Variants in AGBL4 observed in about 807,000 individuals in gnomAD.
AGBL4 encodes the protein cytosolic carboxypeptidase 6.
AGBL4 carries 58 observed loss-of-function variants against 66.4 expected under a neutral mutation model. The ratio of observed to expected loss-of-function variants is 0.87; its 90% CI spans 0.71 to 1.09. AGBL4 has a LOEUF of 1.09. Ranked by LOEUF, AGBL4 falls within the 50% of genes least tolerant of loss-of-function variation. AGBL4 has a pLI of 0.00. For synonymous variants in AGBL4, 234 were observed against 222.9 expected (o/e 1.05, Z -0.44); for missense variants, 579 against 631.0 (o/e 0.92, Z 0.88).
At chr1:48,636,524 C>T (rs897260970) in intron 8 of AGBL4, among the ~76,000 whole-genome samples, 1 of 152,216 alleles carries the variant, frequency 6.6e-6, no homozygotes. Context: ...GAGCTCAGGT[C>T]AACCTGATTC....
intron 1 of AGBL4, among the ~76,000 whole-genome samples, chr1:49,919,186 G>A (rs181073174): frequency 4.9e-4 from 74 of 152,230 alleles, no homozygotes; most frequent in African/African-American, 1.7e-3. Context: ...AGACAGGGAC[G>A]ACCTCTCTCA....
intron 3 of AGBL4, among the ~76,000 whole-genome samples, chr1:49,404,859 T>C (rs746477202): frequency 6.6e-6 from 1 of 152,242 alleles, no homozygotes; most frequent in African/African-American, 2.4e-5. Context: ...ACTGCTTATT[T>C]TTTTGAGCAA....
intron 3 of AGBL4, among the ~76,000 whole-genome samples, chr1:49,440,786 C>T (rs1379363759): frequency 6.6e-6 from 1 of 152,126 alleles, no homozygotes; most frequent in Non-Finnish European, 1.5e-5. Context: ...CAGGTATCTA[C>T]TGTTAAAGTG....
chr1:49,901,893 C>G (rs1468829184), intron 1 of AGBL4, among the ~76,000 whole-genome samples: 2 of 152,154 alleles, frequency 1.3e-5, no homozygotes, highest in Admixed American at 1.3e-4. Flanking sequence ...CTCATACTTA[C>G]AGCCATCTGA....
chr1:49,880,233 C>T (rs1209269312), intron 1 of AGBL4, among the ~76,000 whole-genome samples: 67 of 151,940 alleles, frequency 4.4e-4, no homozygotes, highest in Admixed American at 5.9e-4. Context: ...GGAGGAGAGG[C>T]GCTCTGCGTT....
At chr1:49,138,445 C>T (rs1646055436) in intron 4 of AGBL4, among the ~76,000 whole-genome samples, 1 of 152,154 alleles carries the variant, frequency 6.6e-6, no homozygotes, top group Admixed American at 6.6e-5. Context: ...ACTGAGTAAT[C>T]CACATTTACT....
chr1:49,678,676 CTG>C (rs140034468), intron 3 of AGBL4, among the ~76,000 whole-genome samples: 7,451 of 152,176 alleles, frequency 0.049, 558 homozygotes, highest in African/African-American at 0.16. Context: ...ATTCACTTCA[CTG>C]TGTTTTTTAA....
At chr1:49,013,348 C>A (rs1662589853) in intron 5 of AGBL4, among the ~76,000 whole-genome samples, 1 of 152,094 alleles carries the variant, frequency 6.6e-6, no homozygotes, top group African/African-American at 2.4e-5. Flanking sequence ...GAACACTAAG[C>A]AACACTAAGC....
intron 4 of AGBL4, among the ~76,000 whole-genome samples, chr1:49,106,879 G>C (rs988002154): frequency 1.3e-5 from 2 of 151,998 alleles, no homozygotes; most frequent in Admixed American, 6.6e-5. Flanking sequence ...AGCAAAAGTG[G>C]GGTAGAAAAT....
At chr1:49,771,392 A>G (rs1021715870) in intron 2 of AGBL4, among the ~76,000 whole-genome samples, 5 of 152,212 alleles carry the variant, frequency 3.3e-5, no homozygotes, top group African/African-American at 4.8e-5. Flanking sequence ...CTTAAATTTC[A>G]TTAGACTTGT....
intron 4 of AGBL4, among the ~76,000 whole-genome samples, chr1:49,096,662 G>A (rs774356949): frequency 5.7e-4 from 75 of 131,640 alleles, no homozygotes; most frequent in Admixed American, 6.1e-4. Flanking sequence ...ACACAGGAAG[G>A]GGAACATCAC....
intron 6 of AGBL4, among the ~76,000 whole-genome samples, chr1:48,691,584 A>G (rs144650720): frequency 2.6e-5 from 4 of 152,266 alleles, no homozygotes; most frequent in Admixed American, 6.5e-5. Flanking sequence ...TGGGTGAGAA[A>G]TTGGGGTTGG....
At chr1:49,490,502 T>C (rs1251375741) in intron 3 of AGBL4, among the ~76,000 whole-genome samples, 1 of 151,786 alleles carries the variant, frequency 6.6e-6, no homozygotes, top group East Asian at 1.9e-4. Flanking sequence ...ATTTCTAGTG[T>C]CATCTTTTCC....
At chr1:48,812,723 A>G (rs1646080657) in intron 6 of AGBL4, among the ~76,000 whole-genome samples, 1 of 152,068 alleles carries the variant, frequency 6.6e-6, no homozygotes, top group African/African-American at 2.4e-5. Flanking sequence ...ATGTCCAACA[A>G]TGATAGACTG....
intron 3 of AGBL4, among the ~76,000 whole-genome samples, chr1:49,598,597 C>T (rs1010554765): frequency 9.2e-5 from 14 of 152,006 alleles, no homozygotes; most frequent in Non-Finnish European, 1.5e-4. Context: ...GAGGAGTACC[C>T]GGCCGTGTGA....
At chr1:49,464,025 C>T (rs182510477) in intron 3 of AGBL4, among the ~76,000 whole-genome samples, 1 of 151,618 alleles carries the variant, frequency 6.6e-6, no homozygotes, top group East Asian at 2.0e-4. Context: ...TGAGTGAATA[C>T]AAAGATGACT....
chr1:49,466,902 G>T (rs751337640), intron 3 of AGBL4, among the ~76,000 whole-genome samples: 2 of 151,824 alleles, frequency 1.3e-5, no homozygotes, highest in Non-Finnish European at 2.9e-5. Flanking sequence ...CAGAGATAGT[G>T]TGCAGAGAAG....
intron 9 of AGBL4, among the ~76,000 whole-genome samples, chr1:48,592,825 AT>A (rs1480382369): frequency 6.6e-6 from 1 of 152,232 alleles, no homozygotes; most frequent in African/African-American, 2.4e-5. Context: ...AGAAGCAAGA[AT>A]TAGAACCTAG....
At chr1:48,629,017 A>G (rs1465874611) in intron 9 of AGBL4, among the ~76,000 whole-genome samples, 3 of 152,044 alleles carry the variant, frequency 2.0e-5, no homozygotes, top group East Asian at 1.9e-4. Context: ...ATAGCTCAAG[A>G]GTCTTGCAAA....
Sources: allele counts gnomAD v4.1 joint callset (sites outside exome capture counted in the v4.1 genomes callset), GRCh38; gene constraint gnomAD v4.1.1; transcripts MANE v1.5; gene names NCBI Gene and HGNC (gene_info 2026-07-23, HGNC 2026-07-21).